LHFPL3: variants seen among roughly 807,000 people sequenced by gnomAD.
LHFPL3 encodes LHFPL tetraspan subfamily member 3 protein.
In LHFPL3, 5 loss-of-function variants were observed where a neutral mutation model predicts 19.3. The observed-to-expected ratio is 0.26, with a 90% CI of 0.14 to 0.54. The LOEUF is 0.54. Among genes scored for constraint, LHFPL3 ranks in the 20% least tolerant of loss-of-function variants. LHFPL3 has a pLI of 0.94. For synonymous variants in LHFPL3, 133 were observed against 126.2 expected, an observed-to-expected ratio of 1.05 and a Z score of -0.36; for missense variants, 249 against 307.4, an observed-to-expected ratio of 0.81 and a Z score of 1.42.
chr7:104,664,237 A>G (rs1334221387), intron 1 of LHFPL3, among the ~76,000 whole-genome samples: 1 of 152,216 alleles, frequency 6.6e-6, no homozygotes, highest in Non-Finnish European at 1.5e-5. Context: ...TTAAATTTTT[A>G]TTGCCATGGT....
chr7:104,863,826 A>G (rs996125156), intron 2 of LHFPL3, among the ~76,000 whole-genome samples: 1 of 152,084 alleles, frequency 6.6e-6, no homozygotes, highest in Non-Finnish European at 1.5e-5. Flanking sequence ...CTCCACTTTC[A>G]CACCTGTGAG....
At chr7:104,727,722 C>T (rs1432753823) in intron 1 of LHFPL3, among the ~76,000 whole-genome samples, 2 of 151,658 alleles carry the variant, frequency 1.3e-5, no homozygotes, top group Non-Finnish European at 2.9e-5. Flanking sequence ...AAAATCATGG[C>T]AAATACTCCA....
At chr7:104,363,282 A>G (rs559863329) in intron 1 of LHFPL3, among the ~76,000 whole-genome samples, 2 of 152,378 alleles carry the variant, frequency 1.3e-5, no homozygotes, top group African/African-American at 4.8e-5. Flanking sequence ...TTTCACTGTC[A>G]TAATTTTCCC....
chr7:104,801,725 C>G (rs1047528796), intron 2 of LHFPL3, among the ~76,000 whole-genome samples: 1 of 152,052 alleles, frequency 6.6e-6, no homozygotes, highest in African/African-American at 2.4e-5. Context: ...CACGTGCCAC[C>G]ACACCCAGCT....
At chr7:104,839,638 T>A (rs1214339465) in intron 2 of LHFPL3, among the ~76,000 whole-genome samples, 5 of 151,960 alleles carry the variant, frequency 3.3e-5, no homozygotes, top group South Asian at 4.2e-4. Context: ...CACTGCACTC[T>A]AGCCTGGGCA....
intron 1 of LHFPL3, among the ~76,000 whole-genome samples, chr7:104,441,172 G>C (rs945132440): frequency 6.6e-6 from 1 of 152,098 alleles, no homozygotes; most frequent in Non-Finnish European, 1.5e-5. Context: ...AAAATTTTAA[G>C]CCCGTTGAAC....
intron 1 of LHFPL3, among the ~76,000 whole-genome samples, chr7:104,460,071 C>A (rs778737151): frequency 3.9e-5 from 6 of 152,114 alleles, no homozygotes; most frequent in Non-Finnish European, 7.4e-5. Context: ...CATTGGGTCT[C>A]ATCATTTAAC....
At chr7:104,432,343 C>T (rs562242561) in intron 1 of LHFPL3, among the ~76,000 whole-genome samples, 16 of 152,322 alleles carry the variant, frequency 1.1e-4, no homozygotes, top group African/African-American at 3.8e-4. Context: ...GACTCCCTCT[C>T]ATCAGTGTTT....
chr7:104,473,687 C>G (rs2115626073), intron 1 of LHFPL3, among the ~76,000 whole-genome samples: 1 of 152,212 alleles, frequency 6.6e-6, no homozygotes, highest in African/African-American at 2.4e-5. Flanking sequence ...AAAACAGTCT[C>G]TATCTGATGG....
chr7:104,532,285 G>GGT (rs1794312148), intron 1 of LHFPL3, among the ~76,000 whole-genome samples: 2 of 109,898 alleles, frequency 1.8e-5, no homozygotes, highest in Non-Finnish European at 3.6e-5. Flanking sequence ...CTTGGCTAAT[G>GGT]TTTTTTTTTT....
At chr7:104,482,908 G>T (rs1156385298) in intron 1 of LHFPL3, among the ~76,000 whole-genome samples, 1 of 152,216 alleles carries the variant, frequency 6.6e-6, no homozygotes, top group Non-Finnish European at 1.5e-5. Flanking sequence ...TCTCCATGTG[G>T]GTTTTTGTTT....
intron 2 of LHFPL3, among the ~76,000 whole-genome samples, chr7:104,850,745 AAT>A (rs1369210006): frequency 6.6e-6 from 1 of 152,156 alleles, no homozygotes; most frequent in African/African-American, 2.4e-5. Context: ...GAGCCCCAGG[AAT>A]CTGTATTCCA....
intron 1 of LHFPL3, among the ~76,000 whole-genome samples, chr7:104,575,304 A>G (rs1790304868): frequency 6.6e-6 from 1 of 152,130 alleles, no homozygotes; most frequent in Non-Finnish European, 1.5e-5. Context: ...CCTTGCTTCT[A>G]AGAATTCTGT....
At chr7:104,550,078 G>A (rs1215888498) in intron 1 of LHFPL3, among the ~76,000 whole-genome samples, 1 of 152,070 alleles carries the variant, frequency 6.6e-6, no homozygotes, top group African/African-American at 2.4e-5. Flanking sequence ...AAAAGAGTCC[G>A]TTTTGCAGAT....
intron 1 of LHFPL3, among the ~76,000 whole-genome samples, chr7:104,461,992 G>A (rs932384284): frequency 3.9e-5 from 6 of 151,974 alleles, no homozygotes; most frequent in Non-Finnish European, 8.8e-5. Context: ...GTATTCCTAG[G>A]TATTTTATTA....
intron 1 of LHFPL3, among the ~76,000 whole-genome samples, chr7:104,451,960 G>A (rs1329162164): frequency 6.6e-6 from 1 of 152,046 alleles, no homozygotes; most frequent in Non-Finnish European, 1.5e-5. Flanking sequence ...TGGCCAGGGT[G>A]GTCTTGAACT....
At chr7:104,356,957 G>A (rs2116400832) in intron 1 of LHFPL3, among the ~76,000 whole-genome samples, 1 of 152,294 alleles carries the variant, frequency 6.6e-6, no homozygotes, top group African/African-American at 2.4e-5. Context: ...TCTGGCCTGA[G>A]AGAAACAGAG....
intron 1 of LHFPL3, among the ~76,000 whole-genome samples, chr7:104,483,126 TC>T (rs757193147): frequency 2.6e-5 from 4 of 152,206 alleles, no homozygotes; most frequent in Non-Finnish European, 5.9e-5. Context: ...GAAAATATGC[TC>T]AATGTGATTT....
chr7:104,587,458 T>C (rs950723461), intron 1 of LHFPL3, among the ~76,000 whole-genome samples: 1 of 152,234 alleles, frequency 6.6e-6, no homozygotes, highest in Non-Finnish European at 1.5e-5. Flanking sequence ...CTCATCATTT[T>C]TTATGGCTGC....
Sources: allele counts gnomAD v4.1 joint callset (sites outside exome capture counted in the v4.1 genomes callset), GRCh38; gene constraint gnomAD v4.1.1; transcripts MANE v1.5; gene names NCBI Gene and HGNC (gene_info 2026-07-23, HGNC 2026-07-21).